The following RERE variants were observed in gnomAD, a reference collection of about 807,000 sequenced individuals.
RERE encodes the protein arginine-glutamic acid dipeptide repeats.
Under a neutral mutation model 146.1 loss-of-function variants are expected in RERE, and 40 were observed. The observed-to-expected ratio is 0.27, with a 90% CI of 0.21 to 0.36. The LOEUF (loss-of-function observed/expected upper bound fraction) is 0.36, where lower values mean the gene tolerates loss of function less well. Among genes scored for constraint, RERE ranks in the 10% least tolerant of loss-of-function variants. The pLI is 1.00. For synonymous variants in RERE, 1,003 were observed against 866.0 expected, an observed-to-expected ratio of 1.16 and a Z score of -2.78; for missense variants, 1,933 against 2,138.7, an observed-to-expected ratio of 0.90 and a Z score of 1.90.
chr1:8,396,165 G>GT (rs1643049022), intron 12 of RERE, among the ~76,000 whole-genome samples: 1 of 152,120 alleles, frequency 6.6e-6, no homozygotes, highest in African/African-American at 2.4e-5. Context: ...TAATTATCCT[G>GT]TTTCTACCAT....
rs571754833 is a variant in RERE at position 8,788,889 on chromosome 1, G to A, written c.-145+28271C>T. 2.5e-3 allele frequency among the ~76,000 whole-genome samples: 380 copies of A among 151,170 alleles called. 3 individuals are homozygous for A. Among genetic ancestry groups the A allele is most frequent in the African/African-American group, 8.8e-3 (362 of 41,168 alleles). ...TACAGTGAGGCATAAGAGATGGCTC[G>A]GGGGAGTACAGGGGCCAGGCAGAGC... is the stretch of plus-strand genomic sequence containing the variant. On this transcript the variant is annotated intron_variant, in intron 1 of 22. Coordinates refer to ENST00000400908, the MANE Select transcript of RERE (RefSeq NM_001042681.2).
intron 1 of RERE, among the ~76,000 whole-genome samples, chr1:8,697,139 T>C (rs1007784840): frequency 6.6e-6 from 1 of 152,162 alleles, no homozygotes; most frequent in African/African-American, 2.4e-5. Flanking sequence ...TTAAGAATTA[T>C]GATCTGTGGA....
At chr1:8,713,683 G>A (rs1049082491) in intron 1 of RERE, among the ~76,000 whole-genome samples, 32 of 152,202 alleles carry the variant, frequency 2.1e-4, no homozygotes, top group African/African-American at 7.7e-4. Flanking sequence ...GTAGGGAGCC[G>A]AGATTGTACC....
chr1:8,544,885 A>C (rs1645839761), intron 6 of RERE, among the ~76,000 whole-genome samples: 1 of 152,172 alleles, frequency 6.6e-6, no homozygotes, highest in Admixed American at 6.5e-5. Context: ...GGTTTCCATA[A>C]CCAGGTAAGG....
chr1:8,385,892 C>A (rs577842241), intron 12 of RERE, among the ~76,000 whole-genome samples: 1 of 140,720 alleles, frequency 7.1e-6, no homozygotes, highest in East Asian at 2.2e-4. Flanking sequence ...TGGCGTGAAC[C>A]CGGGAGGTGG....
chr1:8,508,117 A>G (rs1310287402), intron 8 of RERE, among the ~76,000 whole-genome samples: 2 of 152,216 alleles, frequency 1.3e-5, no homozygotes, highest in East Asian at 1.9e-4. Context: ...CGTACATACA[A>G]TGGGTCATTT....
At chr1:8,520,055 A>G (rs1645470790) in intron 7 of RERE, among the ~76,000 whole-genome samples, 1 of 152,228 alleles carries the variant, frequency 6.6e-6, no homozygotes, top group Admixed American at 6.5e-5. Context: ...TTCATTATTC[A>G]ATCAAAAATA....
intron 1 of RERE, among the ~76,000 whole-genome samples, chr1:8,758,527 G>A (rs1226019540): frequency 6.6e-6 from 1 of 151,806 alleles, no homozygotes; most frequent in Non-Finnish European, 1.5e-5. Context: ...AAGTAGCTGG[G>A]ACTACAGGTG....
intron 1 of RERE, among the ~76,000 whole-genome samples, chr1:8,666,698 T>TGAAA (rs2124361200): frequency 6.6e-6 from 1 of 152,370 alleles, no homozygotes; most frequent in South Asian, 2.1e-4. Context: ...GAATTGCAGA[T>TGAAA]GAAGCTGCAA....
At chr1:8,624,491 T>C (rs1646951556) in intron 2 of RERE, 111 bp from the exon 3 acceptor site, 2 of 650,614 alleles carry the variant, frequency 3.1e-6, no homozygotes, top group Non-Finnish European at 5.1e-6. Context: ...ATATCTTTTA[T>C]TGTAAATTTT....
At chr1:8,361,550 A>C (rs1641583282) in intron 17 of RERE, 60 bp from the exon 18 acceptor site, 1 of 1,566,508 alleles carries the variant, frequency 6.4e-7, no homozygotes, top group Non-Finnish European at 8.7e-7. Context: ...TCTGCTCTGC[A>C]CCACCAGTGC....
chr1:8,508,353 T>C (rs990724338), intron 8 of RERE, among the ~76,000 whole-genome samples: 1 of 152,154 alleles, frequency 6.6e-6, no homozygotes, highest in Non-Finnish European at 1.5e-5. Context: ...GGGTACAGAA[T>C]TTCAGTTTTG....
chr1:8,502,007 G>T (rs1207651501), intron 8 of RERE, among the ~76,000 whole-genome samples: 1 of 116,598 alleles, frequency 8.6e-6, no homozygotes, highest in African/African-American at 3.2e-5. Flanking sequence ...CCCCCCGCCC[G>T]GCCAGCCGCC....
At chr1:8,705,669 G>C (rs529688723) in intron 1 of RERE, among the ~76,000 whole-genome samples, 3 of 152,076 alleles carry the variant, frequency 2.0e-5, no homozygotes, top group Non-Finnish European at 4.4e-5. Flanking sequence ...CTATATGTTT[G>C]CTCATCATGT....
chr1:8,454,405 C>A (rs1445187913), intron 11 of RERE, among the ~76,000 whole-genome samples: 1 of 152,100 alleles, frequency 6.6e-6, no homozygotes, highest in Non-Finnish European at 1.5e-5. Flanking sequence ...GGCAGCAGAC[C>A]AAGATGGGCT....
chr1:8,523,534 G>A (rs1359622330), intron 7 of RERE, among the ~76,000 whole-genome samples: 1 of 152,130 alleles, frequency 6.6e-6, no homozygotes, highest in Non-Finnish European at 1.5e-5. Context: ...TCAACCACCA[G>A]AGTAACTTCC....
chr1:8,380,966 G>A, intron 12 of RERE: 1 of 456,588 alleles, frequency 2.2e-6, no homozygotes, highest in Middle Eastern at 3.3e-4. Flanking sequence ...TGGGTAAAAG[G>A]GACCAATGGT....
Position 8,361,558 on chromosome 1 carries a change from T to C in RERE, c.2017-68A>G, listed in dbSNP as rs1641583528. 2.6e-6 allele frequency: 4 copies of C among 1,562,934 alleles called. No homozygotes were observed. The Admixed American group carries it at 5.0e-5, about 20-fold the overall frequency. On this transcript the variant is annotated intron_variant, in intron 17 of 22. Transcript: ENST00000400908. ...AGCCCTGTCTGCTCTGCACCACCAGTGCCGGACACACAGTAATGTTTGTGC... is the reference window on the plus strand; with the variant it reads ...AGCCCTGTCTGCTCTGCACCACCAGCGCCGGACACACAGTAATGTTTGTGC...
At chr1:8,456,441 G>C (rs866461847) in intron 11 of RERE, among the ~76,000 whole-genome samples, 3 of 152,102 alleles carry the variant, frequency 2.0e-5, no homozygotes, top group African/African-American at 7.2e-5. Context: ...GTCTAAACCA[G>C]TTACAAAACA....
Sources: gnomAD v4.1 joint callset for allele counts (sites outside exome capture counted in the v4.1 genomes callset) on GRCh38, gnomAD v4.1.1 for gene constraint, MANE v1.5 for transcripts, NCBI Gene and HGNC (gene_info 2026-07-23, HGNC 2026-07-21) for gene names.